MTMR7: variants seen among roughly 807,000 people sequenced by gnomAD.
MTMR7 encodes the protein phosphatidylinositol-3-phosphate phosphatase MTMR7.
Under a neutral mutation model 81.2 loss-of-function variants are expected in MTMR7, and 76 were observed. The observed-to-expected ratio is 0.94, with a 90% CI of 0.78 to 1.13. The LOEUF (loss-of-function observed/expected upper bound fraction) is 1.13, where lower values mean the gene tolerates loss of function less well. MTMR7 is among the 50% of genes most tolerant of loss of function. MTMR7 has a pLI of 0.00. For missense variants in MTMR7, 1,044 were observed against 820.0 expected, an observed-to-expected ratio of 1.27 and a Z score of -3.34; for synonymous variants, 372 against 289.8, an observed-to-expected ratio of 1.28 and a Z score of -2.88.
Position 17,352,302 on chromosome 8 carries a change from A to T in MTMR7, c.469-3221T>A, listed in dbSNP as rs759442085. Among the ~76,000 whole-genome samples the T allele has an allele frequency of 3.9e-4, 60 of 152,366 alleles. 1 individual carries two copies. The highest frequency in any genetic ancestry group is 1.4e-3 in the Admixed American group (21 of 15,306). On this transcript the variant is annotated intron_variant, in intron 4 of 13. Transcript: ENST00000180173. ...GAAGTAAACCCTCATGTATATGGTC[A>T]TATGATCCATAGCATGGGTGCCAAG...
intron 1 of MTMR7, among the ~76,000 whole-genome samples, chr8:17,399,474 T>C (rs1821358087): frequency 1.3e-5 from 2 of 152,012 alleles, no homozygotes; most frequent in East Asian, 3.9e-4. Flanking sequence ...GGAAAGAAAT[T>C]AAAGAGGACA....
rs1020640768 is a variant in MTMR7, at chr8:17,311,880, A to T, written c.976-244T>A. On this transcript the variant is annotated intron_variant, in intron 8 of 13. Transcript: ENST00000180173. ...CACTCAAGTCACCTCCAATAAGCGC[A>T]TGTACTTACTAAACATAAGCATTCG... 3 of 502,942 alleles carry T rather than the reference A, an allele frequency of 6.0e-6. No homozygotes were observed. In the East Asian group the frequency reaches 1.0e-4, roughly 17 times the overall value. 31.2% of individuals were successfully genotyped at this position (502,942 alleles called of 1,614,324 possible). A position where few individuals can be genotyped will look rare whatever the true frequency, so the allele number is the denominator to read the frequency against.
At chr8:17,389,420 A>G (rs189330315) in intron 1 of MTMR7, among the ~76,000 whole-genome samples, 1 of 148,792 alleles carries the variant, frequency 6.7e-6, no homozygotes, top group Non-Finnish European at 1.5e-5. Context: ...GAAGAAAGGA[A>G]AAGAGACACA....
chr8:17,388,484 T>C (rs1366603632), intron 1 of MTMR7, among the ~76,000 whole-genome samples: 3 of 152,166 alleles, frequency 2.0e-5, no homozygotes, highest in East Asian at 1.9e-4. Context: ...TATACTAGTA[T>C]AGGGAGAACA....
At chr8:17,350,397 A>T in intron 4 of MTMR7, among the ~76,000 whole-genome samples, 1 of 152,250 alleles carries the variant, frequency 6.6e-6, no homozygotes, top group East Asian at 1.9e-4. Context: ...GGCACGTCTT[A>T]CGTGGTAGCA....
chr8:17,331,903 G>T (rs971983196), intron 6 of MTMR7, among the ~76,000 whole-genome samples: 1 of 152,120 alleles, frequency 6.6e-6, no homozygotes, highest in African/African-American at 2.4e-5. Context: ...TGGGCTTTTT[G>T]ATCACTTTCA....
At chr8:17,302,412 C>T in intron 12 of MTMR7, 132 bp from the exon 13 acceptor site, 1 of 977,704 alleles carries the variant, frequency 1.0e-6, no homozygotes, top group Non-Finnish European at 1.5e-6. Context: ...CTCAAAAAAG[C>T]CACTACTTAA....
rs376292719 is a variant in MTMR7 at position 17,413,260 on chromosome 8, G to A, written c.24+9C>T. On this transcript the variant is annotated intron_variant, in intron 1 of 13. Transcript: ENST00000180173. ...CCGTCCCTCCTCCGCCCGCGCTGGT[G>A]TCACCAACCTTGGGCGTACGGATGT... 4.5e-6 allele frequency: 7 copies of A among 1,548,240 alleles called. No individual in the cohort carries two copies. The highest frequency in any genetic ancestry group is 1.2e-5 in the South Asian group (1 of 84,014).
At position 17,406,924 on chromosome 8, in the gene MTMR7, G is replaced by C. The variant is rs527735841; in HGVS notation, c.24+6345C>G. On this transcript the variant is annotated intron_variant, in intron 1 of 13. Transcript: ENST00000180173. ...AGAAAAACAAACATATATAGAGACAGAATGTATATTTAGTGGTTACCTTGG... is the reference window on the plus strand; with the variant it reads ...AGAAAAACAAACATATATAGAGACACAATGTATATTTAGTGGTTACCTTGG... Among the ~76,000 whole-genome samples the C allele has an allele frequency of 3.9e-5, 6 of 152,206 alleles. No homozygotes were observed. The South Asian group carries it at 1.3e-3, about 32-fold the overall frequency.
At chr8:17,319,502 G>C (rs1818273659) in intron 7 of MTMR7, among the ~76,000 whole-genome samples, 1 of 152,158 alleles carries the variant, frequency 6.6e-6, no homozygotes, top group Non-Finnish European at 1.5e-5. Flanking sequence ...TCTTCTGAGA[G>C]ACAAACCTCG....
Position 17,297,702 on chromosome 8 carries a change from T to C in MTMR7, c.*2160A>G, listed in dbSNP as rs1468318260. ...TCTCAATAAAACACTTCCTGATTAATGTTTGATTATTAGATATTTTAGTCT... is the reference window on the plus strand; with the variant it reads ...TCTCAATAAAACACTTCCTGATTAACGTTTGATTATTAGATATTTTAGTCT... On this transcript the variant is annotated 3_prime_UTR_variant, in exon 14 of 14. Transcript: ENST00000180173. The C allele has an allele frequency of 1.3e-5, 2 of 152,114 alleles. No individual in the cohort carries two copies. Among genetic ancestry groups the C allele is most frequent in the Non-Finnish European group, 2.9e-5 (2 of 67,936 alleles). 9.4% of individuals were successfully genotyped at this position (152,114 alleles called of 1,614,324 possible).
At chr8:17,399,459 G>T (rs1473742861) in intron 1 of MTMR7, among the ~76,000 whole-genome samples, 1 of 151,966 alleles carries the variant, frequency 6.6e-6, no homozygotes, top group African/African-American at 2.4e-5. Context: ...ACTATAAAAC[G>T]CTGAGGAAAG....
chr8:17,314,361 G>A (rs1817951205), intron 7 of MTMR7, among the ~76,000 whole-genome samples: 1 of 151,980 alleles, frequency 6.6e-6, no homozygotes, highest in South Asian at 2.1e-4. Context: ...CAACTCCATG[G>A]GCAATGAGCT....
At chr8:17,377,050 TG>T (rs1437550802) in intron 1 of MTMR7, among the ~76,000 whole-genome samples, 4 of 149,632 alleles carry the variant, frequency 2.7e-5, no homozygotes, top group African/African-American at 4.8e-5. Context: ...TATTTTGATT[TG>T]TTTTTTTTCT....
chr8:17,340,064 G>A (rs897974792), intron 6 of MTMR7, among the ~76,000 whole-genome samples: 10 of 152,170 alleles, frequency 6.6e-5, no homozygotes, highest in East Asian at 1.9e-4. Context: ...CGATTCTCCC[G>A]CCTCAGCCTC....
At position 17,299,667 on chromosome 8, in the gene MTMR7, G is replaced by C; in HGVS notation, c.*195C>G. 1.5e-6 allele frequency: 1 copy of C among 680,690 alleles called. No individual in the cohort carries two copies. 42.2% of individuals were successfully genotyped at this position (680,690 alleles called of 1,614,324 possible). A position where few individuals can be genotyped will look rare whatever the true frequency, so the allele number is the denominator to read the frequency against. ...ATGGTGAATAATTTTCCTTATATTTGATAAATGAAATGACTACGTCCTCTT... is the reference window on the plus strand; with the variant it reads ...ATGGTGAATAATTTTCCTTATATTTCATAAATGAAATGACTACGTCCTCTT... On this transcript the variant is annotated 3_prime_UTR_variant, in exon 14 of 14. Coordinates refer to ENST00000180173, the MANE Select transcript of MTMR7 (RefSeq NM_004686.5).
intron 1 of MTMR7, 117 bp downstream of exon 1, chr8:17,413,152 G>T: frequency 8.3e-7 from 1 of 1,203,770 alleles, no homozygotes. Context: ...TCCCTCGCCC[G>T]CGGTCCAGGC....
rs1327536354 is a variant in MTMR7 at position 17,300,230 on chromosome 8, A to C, written c.1621-6T>G. 6.3e-7 allele frequency: 1 copy of C among 1,595,406 alleles called. No homozygotes were observed. Among genetic ancestry groups the C allele is most frequent in the African/African-American group, 1.4e-5 (1 of 73,846 alleles). Reference sequence around the variant, plus strand: ...TTTTGAATTTTTTCCAGCCTCTAAGAAAGAAATAACAATTTCAGGGGAAAA... The same window carrying C: ...TTTTGAATTTTTTCCAGCCTCTAAGCAAGAAATAACAATTTCAGGGGAAAA... On this transcript the variant is annotated splice_region_variant and splice_polypyrimidine_tract_variant and intron_variant, in intron 13 of 13. Coordinates refer to ENST00000180173, the MANE Select transcript of MTMR7 (RefSeq NM_004686.5).
intron 6 of MTMR7, among the ~76,000 whole-genome samples, chr8:17,334,959 C>T (rs529232569): frequency 3.3e-5 from 5 of 152,214 alleles, no homozygotes; most frequent in South Asian, 2.1e-4. Flanking sequence ...CAGGTGAAGA[C>T]GAAGGTTCCT....
Sources: allele counts gnomAD v4.1 joint callset (sites outside exome capture counted in the v4.1 genomes callset), GRCh38; gene constraint gnomAD v4.1.1; transcripts MANE v1.5; gene names NCBI Gene and HGNC (gene_info 2026-07-23, HGNC 2026-07-21).